The following MAOA variants were observed in gnomAD, a reference collection of about 807,000 sequenced individuals.
MAOA encodes the protein amine oxidase [flavin-containing] A.
Under a neutral mutation model 42.0 loss-of-function variants are expected in MAOA, and 6 were observed. The ratio of observed to expected loss-of-function variants is 0.14; its 90% CI spans 0.08 to 0.28. The LOEUF is 0.28. Ranked by LOEUF, MAOA falls within the 10% of genes least tolerant of loss-of-function variation. The pLI, the probability that MAOA is intolerant of heterozygous loss-of-function variation, is 1.00. For missense variants in MAOA, 262 were observed against 422.3 expected (o/e 0.62, Z 3.33); for synonymous variants, 140 against 154.0 (o/e 0.91, Z 0.67).
Position 43,693,780 on chromosome X carries a change from T to TACACAC in MAOA, c.306+371_306+376dup, listed in dbSNP as rs112883967. 6.0e-3 allele frequency among the ~76,000 whole-genome samples: 619 copies of TACACAC among 102,461 alleles called. 5 individuals are homozygous for TACACAC. The highest frequency in any genetic ancestry group is 0.02 in the African/African-American group (564 of 27,724). 89.0% of individuals were successfully genotyped at this position (102,461 alleles called of 115,157 possible). A position where few individuals can be genotyped will look rare whatever the true frequency, so the allele number is the denominator to read the frequency against. On this transcript the variant is annotated intron_variant, in intron 3 of 14. Coordinates refer to ENST00000338702, the MANE Select transcript of MAOA (RefSeq NM_000240.4). Reference sequence around the variant, plus strand: ...GTGGCAGGTGCCTGCAACAGACATGTACACACACACACACACACACACACG... The same window carrying TACACAC: ...GTGGCAGGTGCCTGCAACAGACATGTACACACACACACACACACACACACACACACG...
intron 3 of MAOA, among the ~76,000 whole-genome samples, chrX:43,708,044 T>C (rs971391615): frequency 2.7e-5 from 3 of 111,997 alleles, no homozygotes; most frequent in African/African-American, 9.7e-5. Context: ...TCTCCTGTTA[T>C]TGTGAACATT....
At chrX:43,666,280 C>G (rs982201505) in intron 1 of MAOA, among the ~76,000 whole-genome samples, 2 of 112,025 alleles carry the variant, frequency 1.8e-5, no homozygotes, top group Non-Finnish European at 3.8e-5. Context: ...AAACAAGACA[C>G]TTGATATTTC....
At chrX:43,700,537 C>T (rs1344281321) in intron 3 of MAOA, among the ~76,000 whole-genome samples, 1 of 111,967 alleles carries the variant, frequency 8.9e-6, no homozygotes, top group Non-Finnish European at 1.9e-5. Flanking sequence ...CTTCTCTTCT[C>T]TTGCACCCTG....
chrX:43,668,548 A>G (rs1289347092), intron 1 of MAOA, among the ~76,000 whole-genome samples: 1 of 112,279 alleles, frequency 8.9e-6, no homozygotes, highest in African/African-American at 3.2e-5. Flanking sequence ...TATTCTGAGT[A>G]AAGAGTTAGA....
chrX:43,707,877 C>T (rs1231045565), intron 3 of MAOA, among the ~76,000 whole-genome samples: 1 of 111,839 alleles, frequency 8.9e-6, no homozygotes, highest in East Asian at 2.8e-4. Context: ...ACACTCACTT[C>T]CTTTTGCTTA....
At chrX:43,688,359 C>T (rs147771487) in intron 2 of MAOA, among the ~76,000 whole-genome samples, 1,380 of 111,771 alleles carry the variant, frequency 0.012, 21 homozygotes, top group African/African-American at 0.042. Flanking sequence ...CACCTCACTG[C>T]AGCCACTGTC....
chrX:43,718,735 A>G (rs1857535165), intron 5 of MAOA, among the ~76,000 whole-genome samples: 1 of 110,590 alleles, frequency 9.0e-6, no homozygotes, highest in African/African-American at 3.3e-5. Flanking sequence ...TCACAGGGGC[A>G]GTAGGGAAAC....
intron 1 of MAOA, among the ~76,000 whole-genome samples, chrX:43,665,307 C>T (rs2033266267): frequency 9.0e-6 from 1 of 111,477 alleles, no homozygotes; most frequent in South Asian, 3.7e-4. Flanking sequence ...TTCTCAGGAC[C>T]ATATGCCAGT....
chrX:43,665,831 T>TAGATAGAC (rs1197660494), intron 1 of MAOA, among the ~76,000 whole-genome samples: 6 of 110,086 alleles, frequency 5.5e-5, no homozygotes, highest in African/African-American at 2.0e-4. Context: ...GATAGATAGA[T>TAGATAGAC]AGATAGATAG....
At chrX:43,739,060 A>T (rs912962293) in intron 10 of MAOA, among the ~76,000 whole-genome samples, 4 of 111,342 alleles carry the variant, frequency 3.6e-5, no homozygotes, top group African/African-American at 9.8e-5. Context: ...TCAGAAGGGT[A>T]ATAGCCTTAC....
At chrX:43,657,273 TTATA>T (rs397717487) in intron 1 of MAOA, among the ~76,000 whole-genome samples, 2 of 79,445 alleles carry the variant, frequency 2.5e-5, no homozygotes, top group African/African-American at 4.9e-5. Flanking sequence ...TGAACTGTGT[TTATA>T]TATATATATA....
rs892362771 is a variant in MAOA, at chrX:43,746,649, G to A, written c.*2136G>A. 8.9e-6 allele frequency: 1 copy of A among 112,099 alleles called. No homozygotes were observed. The highest frequency in any genetic ancestry group is 1.9e-5 in the Non-Finnish European group (1 of 53,263). 9.2% of individuals were successfully genotyped at this position (112,099 alleles called of 1,213,427 possible). A position where few individuals can be genotyped will look rare whatever the true frequency, so the allele number is the denominator to read the frequency against. On this transcript the variant is annotated 3_prime_UTR_variant, in exon 15 of 15. Transcript: ENST00000338702. Reference sequence around the variant, plus strand: ...ACTGAAGAGTATGGATTGAAGGATTGTGAACTATGTTTAGTGTGATTGTGA... The same window carrying A: ...ACTGAAGAGTATGGATTGAAGGATTATGAACTATGTTTAGTGTGATTGTGA...
intron 2 of MAOA, among the ~76,000 whole-genome samples, chrX:43,689,151 C>T (rs2147083265): frequency 9.0e-6 from 1 of 111,125 alleles, no homozygotes; most frequent in Admixed American, 9.6e-5. Context: ...GCAATCTCAG[C>T]TCGCTGCAAC....
chrX:43,709,302 A>T (rs974840253), intron 3 of MAOA, among the ~76,000 whole-genome samples: 5 of 111,921 alleles, frequency 4.5e-5, no homozygotes, highest in African/African-American at 1.6e-4. Flanking sequence ...GTGAAATCAT[A>T]CTCAAGTTGG....
intron 2 of MAOA, among the ~76,000 whole-genome samples, chrX:43,690,135 A>G (rs779720369): frequency 9.1e-6 from 1 of 109,684 alleles, no homozygotes; most frequent in East Asian, 2.9e-4. Context: ...TTATCTTCCA[A>G]CAATGCTGGT....
chrX:43,669,477 T>C (rs1336796568), intron 1 of MAOA, among the ~76,000 whole-genome samples: 2 of 111,533 alleles, frequency 1.8e-5, no homozygotes, highest in Non-Finnish European at 3.8e-5. Flanking sequence ...TCTTTTTGTT[T>C]TTCTTTCATT....
At chrX:43,743,997 T>C in intron 13 of MAOA, 92 bp downstream of exon 13, 1 of 1,182,785 alleles carries the variant, frequency 8.5e-7, no homozygotes, top group Non-Finnish European at 1.1e-6. Flanking sequence ...ATAGAATCTG[T>C]ATGTCCATTT....
chrX:43,743,379 A>G (rs982741372), intron 12 of MAOA, among the ~76,000 whole-genome samples: 5 of 111,151 alleles, frequency 4.5e-5, no homozygotes, highest in African/African-American at 1.6e-4. Flanking sequence ...CTCCTGACAC[A>G]CTGGGAGTGC....
At chrX:43,666,713 G>A (rs1040920057) in intron 1 of MAOA, among the ~76,000 whole-genome samples, 2 of 110,835 alleles carry the variant, frequency 1.8e-5, no homozygotes, top group African/African-American at 6.6e-5. Flanking sequence ...ATCATACTTA[G>A]ACCAAAACCT....
Sources: allele counts gnomAD v4.1 joint callset (sites outside exome capture counted in the v4.1 genomes callset), GRCh38; gene constraint gnomAD v4.1.1; transcripts MANE v1.5; gene names NCBI Gene and HGNC (gene_info 2026-07-23, HGNC 2026-07-21).